FOXR1: variants seen among roughly 807,000 people sequenced by gnomAD.
The protein encoded by FOXR1 is forkhead box protein R1.
FOXR1 carries 25 observed loss-of-function variants against 34.5 expected under a neutral mutation model. The ratio of observed to expected loss-of-function variants is 0.72; its 90% CI spans 0.53 to 1.01. The LOEUF (loss-of-function observed/expected upper bound fraction) is 1.01, where lower values mean the gene tolerates loss of function less well. Ranked by LOEUF, FOXR1 falls within the 50% of genes least tolerant of loss-of-function variation. The pLI, the probability that FOXR1 is intolerant of heterozygous loss-of-function variation, is 0.00. For missense variants in FOXR1, 373 were observed against 376.2 expected, an observed-to-expected ratio of 0.99 and a Z score of 0.07; for synonymous variants, 153 against 141.6, an observed-to-expected ratio of 1.08 and a Z score of -0.57.
intron 5 of FOXR1, 50 bp from the exon 6 acceptor site, chr11:118,981,158 A>C (rs1941857627): frequency 6.3e-7 from 1 of 1,596,032 alleles, no homozygotes; most frequent in African/African-American, 1.3e-5. Context: ...CAGGCCTAGG[A>C]AACAGCAATT....
In FOXR1 at chr11:118,980,553, C is replaced by T. The variant is rs1170509387; in HGVS notation, c.675C>T (p.Leu225=). 2 of 1,614,268 alleles carry T rather than the reference C, an allele frequency of 1.2e-6. No homozygotes were observed. The highest frequency in any genetic ancestry group is 1.7e-6 in the Non-Finnish European group (2 of 1,180,054). Residue 225 remains leucine, a synonymous_variant, in exon 5 of 6, where the codon CTC becomes CTT. Coordinates refer to ENST00000317011, the MANE Select transcript of FOXR1 (RefSeq NM_181721.3). The part of the protein sequence containing the change: ...EGWKNTVRHN[L]CFRDSFEKVP... ...GGAAGAATACTGTCCGTCACAATCT[C>T]TGTTTTCGAGACAGCTTTGAGAAAG...
At chr11:118,972,124 C>T in intron 1 of FOXR1, 132 bp downstream of exon 1, 1 of 489,616 alleles carries the variant, frequency 2.0e-6, no homozygotes, top group South Asian at 2.1e-5. Context: ...GGCCGAGCGC[C>T]CCGCGCCCCC....
intron 4 of FOXR1, 39 bp downstream of exon 4, chr11:118,979,707 G>C (rs782464801): frequency 4.6e-6 from 7 of 1,534,530 alleles, no homozygotes; most frequent in African/African-American, 4.2e-5. Context: ...GGAAGTGGGG[G>C]CCAGGGCCCC....
Position 118,979,471 on chromosome 11 carries a change from G to A in FOXR1, c.414G>A (p.Gln138=). 2.5e-6 allele frequency: 4 copies of A among 1,611,370 alleles called. No individual in the cohort carries two copies. The highest frequency in any genetic ancestry group is 3.4e-6 in the Non-Finnish European group (4 of 1,178,668). The change falls in exon 4 of 6, where the codon CAG becomes CAA. Residue 138 remains glutamine, a synonymous_variant. Coordinates refer to ENST00000317011, the MANE Select transcript of FOXR1 (RefSeq NM_181721.3). ...CAGAAGAGGAGGAGGCTGAGGACCAGGAAGACAGCTCCTCTATGGCTCTCC... is the reference window on the plus strand; with the variant it reads ...CAGAAGAGGAGGAGGCTGAGGACCAAGAAGACAGCTCCTCTATGGCTCTCC... ...ELTEEEEAED[Q]EDSSSMALPS...
Position 118,971,767 on chromosome 11 carries a change from G to T in FOXR1, c.-165G>T. ...TAACTCAATCCGAGCCGGCGCATTT[G>T]AGAAGGCGCCTGTGAGGGTCGCTCC... is the stretch of plus-strand genomic sequence containing the variant. On this transcript the variant is annotated 5_prime_UTR_variant, in exon 1 of 6. Coordinates refer to ENST00000317011, the MANE Select transcript of FOXR1 (RefSeq NM_181721.3). The T allele has an allele frequency of 1.4e-6, 1 of 703,220 alleles. No individual in the cohort carries two copies. Among genetic ancestry groups the T allele is most frequent in the Admixed American group, 2.2e-5 (1 of 45,028 alleles). The allele number at this position is 703,220 out of a possible 1,614,324, so 43.6% of individuals were successfully genotyped here. A position where few individuals can be genotyped will look rare whatever the true frequency, so the allele number is the denominator to read the frequency against.
Position 118,971,829 on chromosome 11 carries a change from C to A in FOXR1, c.-103C>A. On this transcript the variant is annotated 5_prime_UTR_variant, in exon 1 of 6. Coordinates refer to ENST00000317011, the MANE Select transcript of FOXR1 (RefSeq NM_181721.3). ...GCTCCCACTCCGCGTCCCCACTCCGCGCCGCCGCGCCTCTGCCAGCCCCGA... is the reference window on the plus strand; with the variant it reads ...GCTCCCACTCCGCGTCCCCACTCCGAGCCGCCGCGCCTCTGCCAGCCCCGA... The A allele has an allele frequency of 7.6e-7, 1 of 1,311,668 alleles. No homozygotes were observed. Among genetic ancestry groups the A allele is most frequent in the Non-Finnish European group, 1.1e-6 (1 of 936,192 alleles). The allele number at this position is 1,311,668 out of a possible 1,614,324, so 81.3% of individuals were successfully genotyped here. A position where few individuals can be genotyped will look rare whatever the true frequency, so the allele number is the denominator to read the frequency against.
rs782613972 is a variant in FOXR1 at position 118,979,046 on chromosome 11, A to G, written c.226A>G (p.Arg76Gly). The change falls in exon 3 of 6, where the codon AGG becomes GGG. Residue 76 changes from arginine (R) to glycine (G), a missense_variant. Arg to Gly is a moderately radical substitution (Grantham distance 125, BLOSUM62 -2). Transcript: ENST00000317011. ...GCTGGAGGTCTCAGGACGTAGGAAG[A>G]GGGAGGACCTGACAAGCACACTCCC... ...GKLEVSGRRKREDLTSTLPSS... is the reference protein window; with the variant it reads ...GKLEVSGRRKGEDLTSTLPSS... The G allele has an allele frequency of 6.9e-6, 11 of 1,603,066 alleles. No individual in the cohort carries two copies. The highest frequency in any genetic ancestry group is 8.5e-6 in the Non-Finnish European group (10 of 1,175,118).
In FOXR1 at chr11:118,980,940, C is replaced by T. The variant is rs537990556; in HGVS notation, c.850+212C>T. Among the ~76,000 whole-genome samples the T allele has an allele frequency of 2.0e-5, 3 of 152,324 alleles. No individual in the cohort carries two copies. In the South Asian group the frequency reaches 6.2e-4, roughly 32 times the overall value. On this transcript the variant is annotated intron_variant, in intron 5 of 5. Transcript: ENST00000317011. The stretch of plus-strand genomic sequence containing the variant: ...TGTGGGGCGTGATGTGCCAGGAATC[C>T]ATGGGCAAACAACTAAGGGGCAACT...
At chr11:118,973,814 C>T (rs1941745928) in intron 1 of FOXR1, among the ~76,000 whole-genome samples, 1 of 151,830 alleles carries the variant, frequency 6.6e-6, no homozygotes, top group Middle Eastern at 3.2e-3. Context: ...GTGCTTCAGC[C>T]TCACCAGTAG....
intron 4 of FOXR1, chr11:118,980,230 AG>A: frequency 1.5e-6 from 1 of 656,692 alleles, no homozygotes; most frequent in Non-Finnish European, 2.8e-6. Context: ...CTCTTACAGG[AG>A]CTGCTTGGCC....
At chr11:118,973,104 A>AC (rs60887416) in intron 1 of FOXR1, among the ~76,000 whole-genome samples, 152,108 of 152,108 alleles carry the variant, frequency 1, 76,054 homozygotes, top group Non-Finnish European at 1. Flanking sequence ...AATTTTCTTT[A>AC]CCCTAGATTG....
chr11:118,973,350 G>T (rs2134478922), intron 1 of FOXR1, among the ~76,000 whole-genome samples: 2 of 152,252 alleles, frequency 1.3e-5, no homozygotes, highest in Non-Finnish European at 2.9e-5. Context: ...ATCTGCAATG[G>T]GGAAAGAACA....
chr11:118,977,287 C>T (rs144951760), intron 1 of FOXR1, among the ~76,000 whole-genome samples: 6,124 of 152,206 alleles, frequency 0.04, 167 homozygotes, highest in Non-Finnish European at 0.063. Flanking sequence ...CTGCCTCGGC[C>T]TCCCAAAGTG....
At chr11:118,978,531 G>C (rs950264896) in intron 1 of FOXR1, among the ~76,000 whole-genome samples, 4 of 152,166 alleles carry the variant, frequency 2.6e-5, no homozygotes, top group African/African-American at 7.2e-5. Context: ...TTTTTTTATA[G>C]ATGTTAACTG....
chr11:118,975,694 AAGAG>A (rs1306958280), intron 1 of FOXR1, among the ~76,000 whole-genome samples: 1 of 152,220 alleles, frequency 6.6e-6, no homozygotes, highest in Non-Finnish European at 1.5e-5. Context: ...TGACACAGGA[AAGAG>A]AGGGGAAGAT....
intron 3 of FOXR1, 58 bp downstream of exon 3, chr11:118,979,262 G>A (rs927528745): frequency 1.3e-6 from 2 of 1,503,474 alleles, no homozygotes; most frequent in Non-Finnish European, 1.8e-6. Flanking sequence ...GCATGGGGAA[G>A]AGCCATTACA....
intron 1 of FOXR1, among the ~76,000 whole-genome samples, chr11:118,978,173 G>A (rs544858437): frequency 2.0e-5 from 3 of 151,654 alleles, no homozygotes; most frequent in South Asian, 4.2e-4. Context: ...AGCCAAGATC[G>A]CGCCACTACA....
chr11:118,981,131 G>A (rs1941857056), intron 5 of FOXR1, 77 bp from the exon 6 acceptor site: 1 of 1,434,306 alleles, frequency 7.0e-7, no homozygotes, highest in African/African-American at 1.4e-5. Flanking sequence ...CAGATGACCT[G>A]CTATGAGAGA....
intron 1 of FOXR1, among the ~76,000 whole-genome samples, chr11:118,973,053 G>C (rs982758044): frequency 6.6e-6 from 1 of 150,880 alleles, no homozygotes; most frequent in African/African-American, 2.5e-5. Context: ...TCTGATTGTT[G>C]TTAGTATTCT....
Sources: allele counts gnomAD v4.1 joint callset (sites outside exome capture counted in the v4.1 genomes callset), GRCh38; gene constraint gnomAD v4.1.1; transcripts MANE v1.5; gene names NCBI Gene and HGNC (gene_info 2026-07-23, HGNC 2026-07-21).